BRSK2: variants seen among roughly 807,000 people sequenced by gnomAD.
The protein encoded by BRSK2 is BR serine/threonine kinase 2.
A neutral mutation model predicts 83.3 loss-of-function variants in BRSK2; 19 were observed. That is an observed-to-expected ratio of 0.23 (90% CI 0.16 to 0.33). BRSK2 has a LOEUF of 0.33. Among genes scored for constraint, BRSK2 ranks in the 10% least tolerant of loss-of-function variants. The probability of loss-of-function intolerance (pLI) is 1.00; values close to 1 mark genes in which losing one functional copy is unlikely to be tolerated. For synonymous variants in BRSK2, 519 were observed against 435.4 expected (o/e 1.19, Z -2.39); for missense variants, 798 against 1,042.3 (o/e 0.77, Z 3.23).
At chr11:1,433,332 C>T (rs1342197187) in intron 1 of BRSK2, among the ~76,000 whole-genome samples, 1 of 152,266 alleles carries the variant, frequency 6.6e-6, no homozygotes, top group Non-Finnish European at 1.5e-5. Context: ...CACCCCTGCA[C>T]CCTCATGATG....
At chr11:1,442,366 C>T (rs2133085039) in intron 4 of BRSK2, 124 bp from the exon 5 acceptor site, 4 of 676,646 alleles carry the variant, frequency 5.9e-6, no homozygotes, top group Middle Eastern at 2.8e-4. Context: ...GGCTGGGCTG[C>T]TATTGGCCCT....
chr11:1,442,342 C>T (rs1851456225), intron 4 of BRSK2, 148 bp from the exon 5 acceptor site: 1 of 612,448 alleles, frequency 1.6e-6, no homozygotes, highest in Non-Finnish European at 3.0e-6. Flanking sequence ...GATTGGCTGC[C>T]TATGACATCA....
At chr11:1,401,633 C>T (rs900940587) in intron 1 of BRSK2, among the ~76,000 whole-genome samples, 1 of 152,232 alleles carries the variant, frequency 6.6e-6, no homozygotes, top group Non-Finnish European at 1.5e-5. Context: ...CCAGGGAAGG[C>T]GGCAGCAGCC....
At chr11:1,419,014 A>G (rs1564816226) in intron 1 of BRSK2, among the ~76,000 whole-genome samples, 1 of 152,254 alleles carries the variant, frequency 6.6e-6, no homozygotes, top group Non-Finnish European at 1.5e-5. Context: ...GATTGATTGA[A>G]TGCAGCAAGT....
In BRSK2 at chr11:1,460,625, G is replaced by A. The variant is rs769900603; in HGVS notation, c.2113G>A (p.Ala705Thr). The A allele has an allele frequency of 1.9e-5, 29 of 1,530,542 alleles. No homozygotes were observed. Among genetic ancestry groups the A allele is most frequent in the Middle Eastern group, 1.7e-4 (1 of 5,802 alleles). 94.8% of individuals were successfully genotyped at this position (1,530,542 alleles called of 1,614,324 possible). ...TGCCCACGGCCCACTCGGTGACTCCGCGGCCGCTGGCCCTGGCCCCGGAGG... is the reference window on the plus strand; with the variant it reads ...TGCCCACGGCCCACTCGGTGACTCCACGGCCGCTGGCCCTGGCCCCGGAGG... ...RSAHGPLGDS[A>T]AAGPGPGGDA... is the part of the protein sequence containing the mutation. Residue 705 changes from alanine (A) to threonine (T), a missense_variant, in exon 20 of 20, where the codon GCG becomes ACG. Physicochemically the swap from Ala to Thr is moderately conservative, Grantham distance 58 (BLOSUM62 0). Coordinates refer to ENST00000528841, the MANE Select transcript of BRSK2 (RefSeq NM_001256627.2).
Position 1,461,262 on chromosome 11 carries a change from G to A in BRSK2, c.*539G>A. The A allele has an allele frequency of 1.9e-6, 1 of 532,376 alleles. No individual in the cohort carries two copies. Among genetic ancestry groups the A allele is most frequent in the Non-Finnish European group, 3.3e-6 (1 of 302,890 alleles). 33.0% of individuals were successfully genotyped at this position (532,376 alleles called of 1,614,324 possible). A position where few individuals can be genotyped will look rare whatever the true frequency, so the allele number is the denominator to read the frequency against. On this transcript the variant is annotated 3_prime_UTR_variant, in exon 20 of 20. Transcript: ENST00000528841. ...GCCTTCTGGGGCCAGGACCCCTGGT[G>A]GGCAACGTAGCCACAGGAACAGGCC...
intron 1 of BRSK2, among the ~76,000 whole-genome samples, chr11:1,422,454 C>T (rs74046949): frequency 0.24 from 36,156 of 151,974 alleles, 4,569 homozygotes; most frequent in African/African-American, 0.28. Flanking sequence ...CTCAGGATGC[C>T]GGAGGCTCTG....
Position 1,460,550 on chromosome 11 carries a change from G to C in BRSK2, c.2038G>C (p.Glu680Gln), listed in dbSNP as rs779919104. ...FDVIKQLFSD[E>Q]KNGQAAQAPS... Reference sequence around the variant, plus strand: ...CGTAATTAAACAACTTTTTTCAGACGAGAAGAACGGGCAGGCGGCCCAGGC... The same window carrying C: ...CGTAATTAAACAACTTTTTTCAGACCAGAAGAACGGGCAGGCGGCCCAGGC... The change falls in exon 20 of 20, where the codon GAG becomes CAG. Residue 680 changes from glutamate (E) to glutamine (Q), a missense_variant. Around this residue, in one of 6 missense-constraint regions of BRSK2, gnomAD observed 455 missense variants for 455.2 expected, o/e 1.00. Transcript: ENST00000528841. 6.6e-7 allele frequency: 1 copy of C among 1,518,830 alleles called. No homozygotes were observed. The allele number at this position is 1,518,830 out of a possible 1,614,324, so 94.1% of individuals were successfully genotyped here.
intron 1 of BRSK2, among the ~76,000 whole-genome samples, chr11:1,392,337 C>T (rs1325559739): frequency 3.3e-5 from 5 of 152,368 alleles, no homozygotes; most frequent in African/African-American, 9.6e-5. Context: ...CCGTTGAGAA[C>T]GCTTCTCCTT....
chr11:1,459,848 C>T (rs1264179704), intron 19 of BRSK2, among the ~76,000 whole-genome samples: 1 of 152,184 alleles, frequency 6.6e-6, no homozygotes, highest in African/African-American at 2.4e-5. Flanking sequence ...CTTGTCCACC[C>T]ATCTGTTCAT....
At chr11:1,411,863 C>T (rs146434166) in intron 1 of BRSK2, among the ~76,000 whole-genome samples, 6 of 152,362 alleles carry the variant, frequency 3.9e-5, no homozygotes, top group East Asian at 1.9e-4. Context: ...GCCTGGCATC[C>T]GGGCCCTCAT....
chr11:1,450,960 G>A (rs571985065), intron 14 of BRSK2, among the ~76,000 whole-genome samples, 166 bp downstream of exon 14: 1 of 152,338 alleles, frequency 6.6e-6, no homozygotes, highest in Non-Finnish European at 1.5e-5. Context: ...GCAGCAGCCT[G>A]TGTCCTACCT....
chr11:1,442,801 G>T (rs1447490066), intron 5 of BRSK2, among the ~76,000 whole-genome samples, 195 bp downstream of exon 5: 1 of 152,146 alleles, frequency 6.6e-6, no homozygotes, highest in Non-Finnish European at 1.5e-5. Context: ...GCACAGTAAG[G>T]GTAGGGGTAC....
intron 1 of BRSK2, among the ~76,000 whole-genome samples, chr11:1,415,368 A>G (rs1847994790): frequency 6.6e-6 from 1 of 152,194 alleles, no homozygotes; most frequent in South Asian, 2.1e-4. Flanking sequence ...TGCTGGGATT[A>G]CAGGCATGAG....
intron 1 of BRSK2, among the ~76,000 whole-genome samples, chr11:1,421,502 G>A (rs916302564): frequency 1.1e-4 from 17 of 152,216 alleles, no homozygotes; most frequent in East Asian, 3.9e-4. Context: ...GCTGCAGTGC[G>A]TGTGAAATGC....
chr11:1,449,479 C>G (rs952194788), intron 12 of BRSK2, among the ~76,000 whole-genome samples: 1 of 152,208 alleles, frequency 6.6e-6, no homozygotes, highest in Non-Finnish European at 1.5e-5. Context: ...CGTCCACCCC[C>G]ACGCTGGATG....
At chr11:1,401,168 G>C (rs1026542583) in intron 1 of BRSK2, among the ~76,000 whole-genome samples, 20 of 152,206 alleles carry the variant, frequency 1.3e-4, no homozygotes, top group African/African-American at 4.6e-4. Flanking sequence ...CACTCCGCAG[G>C]CCTCTAGGCT....
chr11:1,410,294 TCGGCCTCG>T, intron 1 of BRSK2: 1 of 46,990 alleles, frequency 2.1e-5, no homozygotes, highest in African/African-American at 1.1e-4. Flanking sequence ...GTTTGTGACG[TCGGCCTCG>T]CAGAGCGGTG....
rs989023991 is a variant in BRSK2 at position 1,438,480 on chromosome 11, G to A, written c.272+89G>A. On this transcript the variant is annotated intron_variant, in intron 3 of 19. Coordinates refer to ENST00000528841, the MANE Select transcript of BRSK2 (RefSeq NM_001256627.2). The surrounding 1 kb of genome is among the most constrained non-coding windows in gnomAD (Gnocchi z 6.4). ...GTGTCTGGGGCTTGGGGAGCACAGGGGCTGGAGGCCAGGGGCGCCTGCTGC... is the reference window on the plus strand; with the variant it reads ...GTGTCTGGGGCTTGGGGAGCACAGGAGCTGGAGGCCAGGGGCGCCTGCTGC... The A allele has an allele frequency of 2.8e-5, 35 of 1,260,106 alleles. No individual in the cohort carries two copies. Among genetic ancestry groups the A allele is most frequent in the African/African-American group, 4.5e-5 (3 of 67,398 alleles). The allele number at this position is 1,260,106 out of a possible 1,614,324, so 78.1% of individuals were successfully genotyped here.
Sources: allele counts gnomAD v4.1 joint callset (sites outside exome capture counted in the v4.1 genomes callset), GRCh38; gene constraint gnomAD v4.1.1; regional missense constraint gnomAD v4.1.1; non-coding constraint Gnocchi (gnomAD v3.1); transcripts MANE v1.5; gene names NCBI Gene and HGNC (gene_info 2026-07-23, HGNC 2026-07-21).